Variants in LPP observed in about 807,000 individuals in gnomAD.
The protein encoded by LPP is lipoma-preferred partner.
In LPP, 38 loss-of-function variants were observed where a neutral mutation model predicts 60.4. The ratio of observed to expected loss-of-function variants is 0.63; its 90% confidence interval spans 0.49 to 0.83. The LOEUF is 0.83. Ranked by LOEUF, LPP falls within the 40% of genes least tolerant of loss-of-function variation. LPP has a pLI of 0.00. For synonymous variants in LPP, 328 were observed against 290.8 expected, an observed-to-expected ratio of 1.13 and a Z score of -1.30; for missense variants, 902 against 783.6, an observed-to-expected ratio of 1.15 and a Z score of -1.80.
At chr3:188,188,026 A>G (rs1378391566) in intron 1 of LPP, among the ~76,000 whole-genome samples, 2 of 152,154 alleles carry the variant, frequency 1.3e-5, no homozygotes, top group Non-Finnish European at 1.5e-5. Context: ...AGCCATTTAC[A>G]TATTGTTGAA....
At chr3:188,795,567 A>G (rs947200596) in intron 9 of LPP, among the ~76,000 whole-genome samples, 6 of 152,198 alleles carry the variant, frequency 3.9e-5, no homozygotes, top group African/African-American at 1.4e-4. Context: ...CAAATATTCT[A>G]TTGGCTGGGG....
intron 2 of LPP, among the ~76,000 whole-genome samples, chr3:188,311,992 AAT>A (rs1040854544): frequency 3.9e-5 from 6 of 152,206 alleles, no homozygotes; most frequent in Admixed American, 2.6e-4. Flanking sequence ...GTAACACAAA[AAT>A]ATAGTTTAAA....
intron 8 of LPP, among the ~76,000 whole-genome samples, chr3:188,723,946 T>C (rs1222463580): frequency 6.6e-6 from 1 of 152,140 alleles, no homozygotes; most frequent in Non-Finnish European, 1.5e-5. Flanking sequence ...AAAAGAAAAA[T>C]GAGAAGAGGA....
chr3:188,169,636 C>T (rs73190745), intron 1 of LPP, among the ~76,000 whole-genome samples: 14 of 152,132 alleles, frequency 9.2e-5, no homozygotes, highest in African/African-American at 2.7e-4. Flanking sequence ...TAAACGAATG[C>T]GCATTCTGAC....
intron 8 of LPP, among the ~76,000 whole-genome samples, chr3:188,747,598 CTG>C (rs1445151549): frequency 1.3e-5 from 2 of 152,186 alleles, no homozygotes; most frequent in Non-Finnish European, 2.9e-5. Context: ...TAGCAGATGA[CTG>C]TGCAAGCTTC....
intron 2 of LPP, among the ~76,000 whole-genome samples, chr3:188,231,932 A>G (rs981120645): frequency 2.6e-5 from 4 of 152,190 alleles, no homozygotes; most frequent in African/African-American, 9.7e-5. Flanking sequence ...CGGCTCAGAC[A>G]GTGTATCTCT....
intron 1 of LPP, among the ~76,000 whole-genome samples, chr3:188,211,348 C>T (rs1279687775): frequency 1.3e-5 from 2 of 152,064 alleles, no homozygotes; most frequent in African/African-American, 2.4e-5. Flanking sequence ...AGTCCAAAGC[C>T]AGGAAATGGG....
Position 188,217,740 on chromosome 3 carries a change from G to T in LPP, c.-189-7665G>T, listed in dbSNP as rs1458964661. ...GGGAAATGAAAATAGGTGCCCTAGGGGGTTGCCCAGATAAGCAGCTGGCGT... is the reference window on the plus strand; with the variant it reads ...GGGAAATGAAAATAGGTGCCCTAGGTGGTTGCCCAGATAAGCAGCTGGCGT... On this transcript the variant is annotated intron_variant, in intron 1 of 11. Coordinates refer to ENST00000617246, the MANE Select transcript of LPP (RefSeq NM_001375462.1). This position sits in a 1 kb window ranked among gnomAD's most constrained non-coding sequence, Gnocchi z 4.0. Among the ~76,000 whole-genome samples, 2 of 152,116 alleles carry T rather than the reference G, an allele frequency of 1.3e-5. No homozygotes were observed. Among genetic ancestry groups the T allele is most frequent in the Admixed American group, 1.3e-4 (2 of 15,272 alleles).
intron 2 of LPP, among the ~76,000 whole-genome samples, chr3:188,279,490 A>G (rs1741176771): frequency 6.6e-6 from 1 of 152,222 alleles, no homozygotes; most frequent in African/African-American, 2.4e-5. Flanking sequence ...GAAGGTGCTC[A>G]CCTTCCTTTC....
intron 3 of LPP, among the ~76,000 whole-genome samples, chr3:188,344,870 T>C (rs1185068902): frequency 2.0e-5 from 3 of 152,184 alleles, no homozygotes; most frequent in Non-Finnish European, 4.4e-5. Flanking sequence ...TGTTCCCTGA[T>C]CTGGGTCTTA....
intron 1 of LPP, chr3:188,212,753 G>C (rs1276642609): frequency 6.6e-6 from 1 of 151,052 alleles, no homozygotes; most frequent in Non-Finnish European, 1.5e-5. Flanking sequence ...GCCTTGCTGT[G>C]TCCCGTAGTG....
chr3:188,198,383 C>T (rs1560102998), intron 1 of LPP, among the ~76,000 whole-genome samples: 1 of 152,200 alleles, frequency 6.6e-6, no homozygotes, highest in Non-Finnish European at 1.5e-5. Context: ...GTATAAGGGC[C>T]TGGGCTTGAT....
chr3:188,673,422 T>C lies in LPP; in HGVS notation c.1114-34845T>C, dbSNP rs77503418. On this transcript the variant is annotated intron_variant, in intron 7 of 11. Coordinates refer to ENST00000617246, the MANE Select transcript of LPP (RefSeq NM_001375462.1). ...ATTAAGATAAATTATTAAATATTTA[T>C]AAAACTCTTTGACAGTGTACAGCCT... 2.7e-3 allele frequency among the ~76,000 whole-genome samples: 411 copies of C among 152,322 alleles called. 8 individuals carry two copies. The highest frequency in any genetic ancestry group is 0.022 in the Admixed American group (334 of 15,294).
rs567659103 is a variant in LPP at position 188,758,966 on chromosome 3, C to T, written c.1241-1147C>T. Among the ~76,000 whole-genome samples, 15 of 150,810 alleles carry T rather than the reference C, an allele frequency of 9.9e-5. No individual in the cohort carries two copies. The East Asian group carries it at 2.7e-3, about 27-fold the overall frequency. On this transcript the variant is annotated intron_variant, in intron 8 of 11. Transcript: ENST00000617246. ...GAAAAAGTCTGACATATGTGAAGCA[C>T]TACATTTGCTATACCTTATCTATCA...
At chr3:188,561,632 A>T (rs1830710191) in intron 6 of LPP, among the ~76,000 whole-genome samples, 1 of 152,108 alleles carries the variant, frequency 6.6e-6, no homozygotes, top group Non-Finnish European at 1.5e-5. Flanking sequence ...TTTATAAAGC[A>T]TTGAAGTAGA....
intron 2 of LPP, among the ~76,000 whole-genome samples, chr3:188,317,479 CCTT>C (rs1755427063): frequency 6.6e-6 from 1 of 152,108 alleles, no homozygotes; most frequent in African/African-American, 2.4e-5. Context: ...CTTTGTGTCT[CCTT>C]CTGTTAAATG....
At chr3:188,856,473 G>T (rs1763860833) in intron 9 of LPP, among the ~76,000 whole-genome samples, 1 of 152,098 alleles carries the variant, frequency 6.6e-6, no homozygotes, top group African/African-American at 2.4e-5. Flanking sequence ...CAAGATGTAG[G>T]GTCGATCCTT....
rs1218739001 is a variant in LPP, at chr3:188,754,671, TAA to T, written c.1241-5441_1241-5440del. Among the ~76,000 whole-genome samples, 3 of 152,082 alleles carry T rather than the reference TAA, an allele frequency of 2.0e-5. No individual in the cohort carries two copies. The East Asian group carries it at 5.8e-4, about 29-fold the overall frequency. ...AACCAGGGATCAATATTTTTTTTTT[TAA>T]GTTTCCCAGATGATTGCAATATACA... is the stretch of plus-strand genomic sequence containing the variant. On this transcript the variant is annotated intron_variant, in intron 8 of 11. Transcript: ENST00000617246.
At chr3:188,664,725 CATATCTTCTGTAT>C (rs1174514260) in intron 7 of LPP, among the ~76,000 whole-genome samples, 1 of 151,902 alleles carries the variant, frequency 6.6e-6, no homozygotes, top group Non-Finnish European at 1.5e-5. Context: ...TGAGGTTATC[CATATCTTCTGTAT>C]TATATTCTGT....
Sources: gnomAD v4.1 joint callset for allele counts (sites outside exome capture counted in the v4.1 genomes callset) on GRCh38, gnomAD v4.1.1 for gene constraint, Gnocchi (gnomAD v3.1) non-coding constraint, MANE v1.5 for transcripts, NCBI Gene and HGNC (gene_info 2026-07-23, HGNC 2026-07-21) for gene names.